DYRK1A: variants seen among roughly 807,000 people sequenced by gnomAD.
The protein encoded by DYRK1A is dual specificity tyrosine phosphorylation regulated kinase 1A.
DYRK1A carries 9 observed loss-of-function variants against 79.7 expected under a neutral mutation model. The observed-to-expected ratio is 0.11, with a 90% confidence interval of 0.07 to 0.20. The LOEUF (loss-of-function observed/expected upper bound fraction) is 0.20, where lower values mean the gene tolerates loss of function less well. Ranked by LOEUF, DYRK1A falls within the 10% of genes least tolerant of loss-of-function variation. The pLI is 1.00. For missense variants in DYRK1A, 622 were observed against 956.0 expected, an observed-to-expected ratio of 0.65 and a Z score of 4.61; for synonymous variants, 349 against 329.7, an observed-to-expected ratio of 1.06 and a Z score of -0.63.
At chr21:37,424,824 C>T (rs2050573363) in intron 2 of DYRK1A, among the ~76,000 whole-genome samples, 1 of 152,056 alleles carries the variant, frequency 6.6e-6, no homozygotes, top group Admixed American at 6.5e-5. Flanking sequence ...GAAAAATTTT[C>T]AGGCTCTTGA....
intron 2 of DYRK1A, among the ~76,000 whole-genome samples, chr21:37,424,718 A>C (rs2050570679): frequency 6.6e-6 from 1 of 152,152 alleles, no homozygotes; most frequent in South Asian, 2.1e-4. Context: ...TCTTATTTTT[A>C]GGCATTAAGT....
chr21:37,490,233 G>T lies in DYRK1A; in HGVS notation c.696G>T (p.Leu232=), dbSNP rs549631808. Residue 232 remains leucine, a synonymous_variant, in exon 7 of 12, where the codon CTG becomes CTT. Coordinates refer to ENST00000647188, the MANE Select transcript of DYRK1A (RefSeq NM_001347721.2). ...ATCTCTGTTTAGTTTTTGAAATGCT[G>T]TCCTACAACCTCTATGACTTGCTGA... ...RNHLCLVFEM[L]SYNLYDLLRN... 8.7e-6 allele frequency: 14 copies of T among 1,613,710 alleles called. No homozygotes were observed. The African/African-American group carries it at 1.9e-4, about 22-fold the overall frequency.
At chr21:37,479,588 T>TGTTTTG (rs2052527826) in intron 4 of DYRK1A, among the ~76,000 whole-genome samples, 2 of 123,320 alleles carry the variant, frequency 1.6e-5, no homozygotes, top group Admixed American at 1.6e-4. Context: ...ACAGTGTTGG[T>TGTTTTG]GTTTTGTTTT....
chr21:37,430,456 A>G lies in DYRK1A; in HGVS notation c.10+10072A>G, dbSNP rs1005934734. Reference sequence around the variant, plus strand: ...CTATGATATGTGTTCAACTTGCACTAGGATAGTTTTTACTTTCACCTTTGT... The same window carrying G: ...CTATGATATGTGTTCAACTTGCACTGGGATAGTTTTTACTTTCACCTTTGT... On this transcript the variant is annotated intron_variant, in intron 2 of 11. Coordinates refer to ENST00000647188, the MANE Select transcript of DYRK1A (RefSeq NM_001347721.2). The G allele has an allele frequency of 1.2e-5, 12 of 972,784 alleles. No individual in the cohort carries two copies. In the Admixed American group the frequency reaches 4.3e-4, roughly 35 times the overall value. The allele number at this position is 972,784 out of a possible 1,614,324, so 60.3% of individuals were successfully genotyped here. A position where few individuals can be genotyped will look rare whatever the true frequency, so the allele number is the denominator to read the frequency against.
Position 37,508,860 on chromosome 21 carries a change from A to G in DYRK1A, c.1644+2637A>G, listed in dbSNP as rs531176294. Among the ~76,000 whole-genome samples the G allele has an allele frequency of 4.6e-5, 7 of 152,288 alleles. No individual in the cohort carries two copies. The South Asian group carries it at 1.5e-3, about 32-fold the overall frequency. On this transcript the variant is annotated intron_variant, in intron 11 of 11. Coordinates refer to ENST00000647188, the MANE Select transcript of DYRK1A (RefSeq NM_001347721.2). ...ACTACTATTTATGCTTCAGGTCTTA[A>G]GTATCACTACTCCCAGGGGCTCTCT... is the stretch of plus-strand genomic sequence containing the variant.
At chr21:37,509,921 C>T (rs777468256) in intron 11 of DYRK1A, among the ~76,000 whole-genome samples, 3 of 152,220 alleles carry the variant, frequency 2.0e-5, no homozygotes, top group Non-Finnish European at 4.4e-5. Flanking sequence ...TTATGAGTAG[C>T]ACGATGAAAT....
At chr21:37,449,459 G>C (rs999047177) in intron 2 of DYRK1A, among the ~76,000 whole-genome samples, 5 of 152,164 alleles carry the variant, frequency 3.3e-5, no homozygotes, top group African/African-American at 1.2e-4. Flanking sequence ...GTTGAATGGG[G>C]GAAGAGCATG....
At chr21:37,454,085 CTTTTTTTTT>C (rs571859735) in intron 2 of DYRK1A, among the ~76,000 whole-genome samples, 2 of 59,614 alleles carry the variant, frequency 3.4e-5, no homozygotes, top group East Asian at 6.2e-4. Context: ...ATGTAGTCTC[CTTTTTTTTT>C]TTTTTTTTTT....
chr21:37,479,123 A>G (rs2052506221), intron 4 of DYRK1A, among the ~76,000 whole-genome samples: 1 of 152,256 alleles, frequency 6.6e-6, no homozygotes, highest in Admixed American at 6.5e-5. Context: ...TTAGCTGAAA[A>G]GTGAAAAGAT....
At chr21:37,507,894 G>T (rs897728658) in intron 11 of DYRK1A, among the ~76,000 whole-genome samples, 2 of 151,728 alleles carry the variant, frequency 1.3e-5, no homozygotes, top group Admixed American at 1.3e-4. Flanking sequence ...GAACCCCTGG[G>T]GCCTTTCTAA....
At position 37,515,898 on chromosome 21, in the gene DYRK1A, G is replaced by A. The variant is rs868287887; in HGVS notation, c.*3367G>A. On this transcript the variant is annotated 3_prime_UTR_variant, in exon 12 of 12. Coordinates refer to ENST00000647188, the MANE Select transcript of DYRK1A (RefSeq NM_001347721.2). ...AAATCATGAAAGATTCAGTAATTAT[G>A]TTAGGCTCACAAGTGACCATTGAGT... 1.5e-4 allele frequency: 23 copies of A among 151,718 alleles called. No homozygotes were observed. Among genetic ancestry groups the A allele is most frequent in the African/African-American group, 4.8e-4 (20 of 41,338 alleles). 9.4% of individuals were successfully genotyped at this position (151,718 alleles called of 1,614,324 possible).
At chr21:37,414,114 A>G (rs994217957) in intron 1 of DYRK1A, among the ~76,000 whole-genome samples, 1 of 152,048 alleles carries the variant, frequency 6.6e-6, no homozygotes, top group African/African-American at 2.4e-5. Context: ...TCCAACACCA[A>G]ATTTTGGGTG....
At chr21:37,438,915 T>C (rs1388717631) in intron 2 of DYRK1A, among the ~76,000 whole-genome samples, 4 of 144,904 alleles carry the variant, frequency 2.8e-5, no homozygotes, top group Admixed American at 2.0e-4. Flanking sequence ...TTCAGAAGAA[T>C]TGATACTTTA....
intron 5 of DYRK1A, among the ~76,000 whole-genome samples, chr21:37,485,027 A>G (rs1440005457): frequency 6.6e-6 from 1 of 152,216 alleles, no homozygotes; most frequent in Non-Finnish European, 1.5e-5. Context: ...CGTAGCCAAT[A>G]CTTACCAATC....
chr21:37,425,570 A>G (rs989192001), intron 2 of DYRK1A: 1 of 152,238 alleles, frequency 6.6e-6, no homozygotes, highest in African/African-American at 2.4e-5. Flanking sequence ...AAAAGAAAAT[A>G]CATTTATATT....
chr21:37,420,780 CAAGTT>C (rs1176092304), intron 2 of DYRK1A, among the ~76,000 whole-genome samples: 1 of 152,004 alleles, frequency 6.6e-6, no homozygotes, highest in African/African-American at 2.4e-5. Context: ...AAAAGACTGA[CAAGTT>C]AAGGATATTA....
In DYRK1A at chr21:37,366,866, AGGCGGGGGT is replaced by A. The variant is rs1466929613; in HGVS notation, c.-833_-825del. ...AATAATAAAAAGCCCCATTGGAGTGAGGCGGGGGTGGCGGCGGCAACCGCGGCGGGGGTA... is the reference window on the plus strand; with the variant it reads ...AATAATAAAAAGCCCCATTGGAGTGAGGCGGCGGCAACCGCGGCGGGGGTA... On this transcript the variant is annotated 5_prime_UTR_variant, in exon 1 of 12. Transcript: ENST00000647188. The A allele has an allele frequency of 3.9e-5, 6 of 152,308 alleles. No individual in the cohort carries two copies. Among genetic ancestry groups the A allele is most frequent in the African/African-American group, 1.5e-4 (6 of 41,248 alleles). 9.4% of individuals were successfully genotyped at this position (152,308 alleles called of 1,614,324 possible).
chr21:37,501,166 GTTTTTTTTTTT>G (rs34646709), intron 9 of DYRK1A, among the ~76,000 whole-genome samples: 2 of 93,996 alleles, frequency 2.1e-5, no homozygotes, highest in Non-Finnish European at 4.1e-5. Context: ...GTTGTTGTTG[GTTTTTTTTTTT>G]TTTTTTTTTT....
chr21:37,388,554 T>A (rs528715687), intron 1 of DYRK1A, among the ~76,000 whole-genome samples: 5 of 152,342 alleles, frequency 3.3e-5, no homozygotes, highest in Admixed American at 3.3e-4. Context: ...TTGCCTTGTT[T>A]GCCTCATCAA....
Sources: gnomAD v4.1 joint callset for allele counts (sites outside exome capture counted in the v4.1 genomes callset) on GRCh38, gnomAD v4.1.1 for gene constraint, MANE v1.5 for transcripts, NCBI Gene and HGNC (gene_info 2026-07-23, HGNC 2026-07-21) for gene names.